RTL4: variants seen among roughly 807,000 people sequenced by gnomAD.
RTL4 encodes the protein retrotransposon Gag like 4, also known as retrotransposon Gag-like protein 4.
A neutral mutation model predicts 5.3 loss-of-function variants in RTL4; 4 were observed. The ratio of observed to expected loss-of-function variants is 0.75; its 90% CI spans 0.37 to 1.72. The LOEUF (loss-of-function observed/expected upper bound fraction) is 1.72, where lower values mean the gene tolerates loss of function less well. Among genes scored for constraint, RTL4 ranks in the 40% most tolerant of loss-of-function variants. The probability of loss-of-function intolerance (pLI) is 0.04; values close to 1 mark genes in which losing one functional copy is unlikely to be tolerated. For missense variants in RTL4, 260 were observed against 227.1 expected, an observed-to-expected ratio of 1.14 and a Z score of -0.93; for synonymous variants, 98 against 87.3, an observed-to-expected ratio of 1.12 and a Z score of -0.68.
At chrX:112,265,878 G>C in the RTL4 span, among the ~76,000 whole-genome samples, 1 of 109,110 alleles carries the variant, frequency 9.2e-6, no homozygotes, top group East Asian at 2.9e-4. Flanking sequence ...CTTCACTCTA[G>C]AACTATAATG....
chrX:112,170,937 T>C, the RTL4 span, among the ~76,000 whole-genome samples: 1 of 111,887 alleles, frequency 8.9e-6, no homozygotes, highest in African/African-American at 3.3e-5. Context: ...ACCTAGTTTA[T>C]TGAGAGTTTT....
the RTL4 span, among the ~76,000 whole-genome samples, chrX:112,310,390 A>G: frequency 2.4e-3 from 139 of 58,173 alleles, 6 homozygotes; most frequent in African/African-American, 8.8e-3. Context: ...ATATATATAT[A>G]TATATATATA....
chrX:112,182,431 A>G, the RTL4 span, among the ~76,000 whole-genome samples: 1 of 111,892 alleles, frequency 8.9e-6, no homozygotes, highest in Admixed American at 9.5e-5. Flanking sequence ...GAAGCTAAGA[A>G]CCTTGAAAAA....
chrX:112,335,504 AATTT>A, the RTL4 span, among the ~76,000 whole-genome samples: 2 of 111,339 alleles, frequency 1.8e-5, no homozygotes, highest in African/African-American at 6.5e-5. Flanking sequence ...AAGGTAAACA[AATTT>A]ATTTATTATG....
the RTL4 span, among the ~76,000 whole-genome samples, chrX:112,125,895 C>A: frequency 8.9e-6 from 1 of 112,145 alleles, no homozygotes; most frequent in Non-Finnish European, 1.9e-5. Context: ...GCTCCAAAGC[C>A]ACTTTTGTCC....
chrX:112,392,560 T>A, the RTL4 span, among the ~76,000 whole-genome samples: 1 of 110,728 alleles, frequency 9.0e-6, no homozygotes. Context: ...AGGAATGGGA[T>A]CAGAGATCTG....
At chrX:112,417,588 A>T in the RTL4 span, among the ~76,000 whole-genome samples, 1 of 111,629 alleles carries the variant, frequency 9.0e-6, no homozygotes, top group Non-Finnish European at 1.9e-5. Flanking sequence ...TTAAAAGGCA[A>T]TTGGGACTAC....
At chrX:112,135,414 T>C in the RTL4 span, among the ~76,000 whole-genome samples, 1 of 111,632 alleles carries the variant, frequency 9.0e-6, no homozygotes, top group Non-Finnish European at 1.9e-5. Flanking sequence ...GTTTTCCTTA[T>C]TATTGAGTTT....
chrX:112,322,938 C>G, the RTL4 span, among the ~76,000 whole-genome samples: 1 of 111,561 alleles, frequency 9.0e-6, no homozygotes, highest in African/African-American at 3.3e-5. Flanking sequence ...CAGCCTTCAC[C>G]CAATAGAGGA....
At chrX:112,088,833 C>T in the RTL4 span, among the ~76,000 whole-genome samples, 2 of 112,309 alleles carry the variant, frequency 1.8e-5, no homozygotes, top group Admixed American at 9.4e-5. Context: ...CATCTTTTCA[C>T]ATGCTTATGC....
the RTL4 span, among the ~76,000 whole-genome samples, chrX:112,120,160 T>C: frequency 8.9e-6 from 1 of 112,358 alleles, no homozygotes; most frequent in Non-Finnish European, 1.9e-5. Flanking sequence ...GCCACCAATA[T>C]AGGATCTTTT....
chrX:112,246,118 G>T, the RTL4 span, among the ~76,000 whole-genome samples: 1 of 112,045 alleles, frequency 8.9e-6, no homozygotes, highest in South Asian at 3.8e-4. Context: ...CTGGCTGTAT[G>T]AGGTGTCTGT....
chrX:112,243,244 T>C, the RTL4 span, among the ~76,000 whole-genome samples: 5 of 111,892 alleles, frequency 4.5e-5, no homozygotes, highest in African/African-American at 1.6e-4. Flanking sequence ...TCTTTTTCTA[T>C]TGATGGGAAT....
chrX:112,201,212 A>G, the RTL4 span, among the ~76,000 whole-genome samples: 120 of 110,656 alleles, frequency 1.1e-3, no homozygotes, highest in African/African-American at 3.6e-3. Context: ...CTATCATGAG[A>G]ACTGCATGGG....
chrX:112,326,404 G>A, the RTL4 span, among the ~76,000 whole-genome samples: 1 of 111,473 alleles, frequency 9.0e-6, no homozygotes, highest in South Asian at 3.9e-4. Context: ...ACGGCAACTG[G>A]AAAATCGGGT....
At chrX:112,234,329 T>G in the RTL4 span, among the ~76,000 whole-genome samples, 2 of 112,027 alleles carry the variant, frequency 1.8e-5, no homozygotes, top group Non-Finnish European at 3.8e-5. Flanking sequence ...TCTTATCCCC[T>G]TGTTTCTTCT....
chrX:112,182,615 CA>C, the RTL4 span, among the ~76,000 whole-genome samples: 1 of 110,795 alleles, frequency 9.0e-6, no homozygotes, highest in Non-Finnish European at 1.9e-5. Context: ...CAAGATTAGA[CA>C]AAAAAAGAAT....
the RTL4 span, among the ~76,000 whole-genome samples, chrX:112,101,468 G>A: frequency 1.8e-5 from 2 of 110,652 alleles, no homozygotes; most frequent in Admixed American, 1.9e-4. Context: ...GCAAAATAAA[G>A]GAAAATTTGG....
chrX:112,449,763 A>G (rs1202520926), upstream of RTL4, among the ~76,000 whole-genome samples: 4 of 112,079 alleles, frequency 3.6e-5, no homozygotes, highest in African/African-American at 6.5e-5. Flanking sequence ...TTGATAGTCA[A>G]TGTTGGGGTC....
Sources: gnomAD v4.1 joint callset for allele counts (sites outside exome capture counted in the v4.1 genomes callset) on GRCh38, gnomAD v4.1.1 for gene constraint, MANE v1.5 for transcripts, NCBI Gene and HGNC (gene_info 2026-07-23, HGNC 2026-07-21) for gene names.